Variants in DSCAM observed in about 807,000 individuals in gnomAD.
DSCAM encodes DS cell adhesion molecule.
A neutral mutation model predicts 217.7 loss-of-function variants in DSCAM; 47 were observed. The observed-to-expected ratio is 0.22, with a 90% CI of 0.17 to 0.28. The LOEUF (loss-of-function observed/expected upper bound fraction) is 0.28. DSCAM is among the 10% of genes least tolerant of loss of function. The pLI is 1.00. For missense variants in DSCAM, 2,080 were observed against 2,618.3 expected (o/e 0.79, Z 4.49); for synonymous variants, 1,056 against 1,015.3 (o/e 1.04, Z -0.76).
intron 32 of DSCAM, among the ~76,000 whole-genome samples, chr21:40,033,925 C>A (rs2088584862): frequency 7.2e-6 from 1 of 139,432 alleles, no homozygotes; most frequent in Non-Finnish European, 1.5e-5. Context: ...CAGACTGACA[C>A]CTCACAGGGC....
intron 3 of DSCAM, among the ~76,000 whole-genome samples, chr21:40,481,178 G>C (rs1415708200): frequency 6.6e-6 from 1 of 152,096 alleles, no homozygotes; most frequent in Non-Finnish European, 1.5e-5. Flanking sequence ...TGCAGCAAAA[G>C]TCACTTCCTG....
At chr21:40,138,692 GTGTGGTGTA>G (rs981587078) in intron 18 of DSCAM, among the ~76,000 whole-genome samples, 19 of 148,422 alleles carry the variant, frequency 1.3e-4, no homozygotes, top group Middle Eastern at 3.5e-3. Flanking sequence ...GTGGTGTGGT[GTGTGGTGTA>G]TGTGTGGTGT....
chr21:40,307,113 C>T (rs1482680539), intron 9 of DSCAM, among the ~76,000 whole-genome samples: 1 of 151,912 alleles, frequency 6.6e-6, no homozygotes, highest in Non-Finnish European at 1.5e-5. Context: ...AGCTTCTGCA[C>T]AGCAAAAGAA....
chr21:40,347,029 T>C (rs2074565247), intron 6 of DSCAM, among the ~76,000 whole-genome samples: 1 of 151,970 alleles, frequency 6.6e-6, no homozygotes, highest in South Asian at 2.1e-4. Context: ...ATAAAAAAGT[T>C]TCCCAAGATG....
chr21:40,834,478 G>T (rs1019690252), intron 1 of DSCAM, among the ~76,000 whole-genome samples: 1 of 149,668 alleles, frequency 6.7e-6, no homozygotes, highest in Non-Finnish European at 1.5e-5. Context: ...TAGTTGCCCA[G>T]TTCCATGGAT....
At chr21:40,354,232 G>C (rs919289713) in intron 4 of DSCAM, among the ~76,000 whole-genome samples, 13 of 152,084 alleles carry the variant, frequency 8.5e-5, no homozygotes, top group African/African-American at 3.1e-4. Flanking sequence ...ATAGCTTAAA[G>C]AAAAGCCAAA....
chr21:40,509,172 TC>T (rs2076238808), intron 3 of DSCAM, among the ~76,000 whole-genome samples: 1 of 152,092 alleles, frequency 6.6e-6, no homozygotes, highest in Non-Finnish European at 1.5e-5. Context: ...TCCGTGAGTG[TC>T]ACTTGTTACA....
chr21:40,802,333 A>G (rs2091748973), intron 1 of DSCAM, among the ~76,000 whole-genome samples: 1 of 152,182 alleles, frequency 6.6e-6, no homozygotes, highest in African/African-American at 2.4e-5. Context: ...GGTACCTTGA[A>G]AGTAGACAAC....
chr21:40,535,672 C>T (rs2076490004), intron 3 of DSCAM, among the ~76,000 whole-genome samples: 1 of 152,116 alleles, frequency 6.6e-6, no homozygotes, highest in African/African-American at 2.4e-5. Context: ...TGGATAAGAG[C>T]CAATCCTTGC....
chr21:40,632,475 C>CTGT (rs1179591471), intron 3 of DSCAM, among the ~76,000 whole-genome samples: 1 of 152,134 alleles, frequency 6.6e-6, no homozygotes, highest in Non-Finnish European at 1.5e-5. Flanking sequence ...TAATAAAGAG[C>CTGT]TGTTTTACAC....
intron 3 of DSCAM, among the ~76,000 whole-genome samples, chr21:40,427,459 G>A (rs1290375303): frequency 1.3e-5 from 2 of 152,196 alleles, no homozygotes; most frequent in African/African-American, 4.8e-5. Context: ...TCCAATCTGG[G>A]TCAGTATCAG....
At chr21:40,553,553 C>G (rs1338136396) in intron 3 of DSCAM, among the ~76,000 whole-genome samples, 1 of 152,178 alleles carries the variant, frequency 6.6e-6, no homozygotes, top group African/African-American at 2.4e-5. Flanking sequence ...TAACTCTTTG[C>G]AAACAAATAA....
At chr21:40,556,062 G>C (rs2076669209) in intron 3 of DSCAM, among the ~76,000 whole-genome samples, 1 of 152,124 alleles carries the variant, frequency 6.6e-6, no homozygotes, top group Admixed American at 6.5e-5. Flanking sequence ...AAGAAAAAGT[G>C]ATGTTTAATA....
intron 3 of DSCAM, among the ~76,000 whole-genome samples, chr21:40,637,655 A>C (rs1176848813): frequency 8.2e-6 from 1 of 122,490 alleles, no homozygotes; most frequent in East Asian, 2.2e-4. Context: ...ATATATCTAT[A>C]TATATATATA....
chr21:40,026,328 C>T (rs1303271150), intron 32 of DSCAM, among the ~76,000 whole-genome samples: 1 of 139,644 alleles, frequency 7.2e-6, no homozygotes. Context: ...TGGTGTGGTG[C>T]TGAAAAAAAT....
rs71186921 is a variant in DSCAM at position 40,215,478 on chromosome 21, TA to T, written c.2357-26241del. On this transcript the variant is annotated intron_variant, in intron 11 of 32. Coordinates refer to ENST00000400454, the MANE Select transcript of DSCAM (RefSeq NM_001389.5). ...TATACCATGAAATGCAACCCAGCCA[TA>T]AAAAAAAATATAATGACTTTTATAG... Among the ~76,000 whole-genome samples the T allele has an allele frequency of 2.7e-5, 4 of 150,448 alleles. No individual in the cohort carries two copies. In the East Asian group the frequency reaches 5.9e-4, roughly 22 times the overall value.
At chr21:40,626,809 A>G (rs2089607547) in intron 3 of DSCAM, among the ~76,000 whole-genome samples, 1 of 152,250 alleles carries the variant, frequency 6.6e-6, no homozygotes, top group Non-Finnish European at 1.5e-5. Flanking sequence ...TGGTAAGTAC[A>G]TATTTGCTGC....
At chr21:40,442,977 G>A (rs1328021259) in intron 3 of DSCAM, among the ~76,000 whole-genome samples, 1 of 152,202 alleles carries the variant, frequency 6.6e-6, no homozygotes, top group South Asian at 2.1e-4. Context: ...AATAGCAGAG[G>A]AGAGAGTATA....
chr21:40,438,241 G>A (rs1226032473), intron 3 of DSCAM, among the ~76,000 whole-genome samples: 2 of 152,124 alleles, frequency 1.3e-5, no homozygotes, highest in African/African-American at 2.4e-5. Context: ...CTAATTTAAT[G>A]ATCACACTCA....
Sources: gnomAD v4.1 joint callset for allele counts (sites outside exome capture counted in the v4.1 genomes callset) on GRCh38, gnomAD v4.1.1 for gene constraint, MANE v1.5 for transcripts, NCBI Gene and HGNC (gene_info 2026-07-23, HGNC 2026-07-21) for gene names.